CAST: variants seen among roughly 807,000 people sequenced by gnomAD.
CAST encodes calpastatin.
A neutral mutation model predicts 119.6 loss-of-function variants in CAST; 76 were observed. The ratio of observed to expected loss-of-function variants is 0.64; its 90% confidence interval spans 0.53 to 0.77. The LOEUF (loss-of-function observed/expected upper bound fraction) is 0.77, where lower values mean the gene tolerates loss of function less well. Ranked by LOEUF, CAST falls within the 30% of genes least tolerant of loss-of-function variation. The probability of loss-of-function intolerance (pLI) is 0.00; values close to 1 mark genes in which losing one functional copy is unlikely to be tolerated. For synonymous variants in CAST, 319 were observed against 331.6 expected (o/e 0.96, Z 0.41); for missense variants, 953 against 946.5 (o/e 1.01, Z -0.09).
chr5:96,280,500 G>C, the CAST span, among the ~76,000 whole-genome samples: 12 of 152,214 alleles, frequency 7.9e-5, no homozygotes, highest in Non-Finnish European at 1.3e-4. Context: ...TGTACGGAGA[G>C]AGCCAATGCA....
chr5:96,037,498 A>T, the CAST span, among the ~76,000 whole-genome samples: 3 of 152,292 alleles, frequency 2.0e-5, no homozygotes, highest in African/African-American at 7.2e-5. Flanking sequence ...AAATAACTTT[A>T]TTATGTGAGA....
chr5:96,696,655 C>A (rs1753322310), intron 3 of CAST, among the ~76,000 whole-genome samples: 2 of 129,344 alleles, frequency 1.5e-5, no homozygotes, highest in Non-Finnish European at 3.2e-5. Context: ...TCATGACCAG[C>A]TTGAGCAACA....
chr5:95,989,215 C>G, the CAST span, among the ~76,000 whole-genome samples: 1 of 152,162 alleles, frequency 6.6e-6, no homozygotes, highest in Non-Finnish European at 1.5e-5. Flanking sequence ...GAGACAACCT[C>G]TTAAATTCAC....
chr5:96,317,626 T>G, the CAST span, among the ~76,000 whole-genome samples: 1 of 152,184 alleles, frequency 6.6e-6, no homozygotes, highest in Non-Finnish European at 1.5e-5. Context: ...TTAGTCATAT[T>G]ACATGAACCC....
intron 1 of CAST, among the ~76,000 whole-genome samples, chr5:96,647,145 T>C (rs1033049745): frequency 1.3e-5 from 2 of 152,186 alleles, no homozygotes; most frequent in Non-Finnish European, 2.9e-5. Flanking sequence ...CTTAGTGACA[T>C]ACACGGATCG....
the CAST span, among the ~76,000 whole-genome samples, chr5:96,414,700 C>T: frequency 6.6e-6 from 1 of 152,180 alleles, no homozygotes; most frequent in Non-Finnish European, 1.5e-5. Context: ...TCTTTCTCTA[C>T]AAAATGAAGG....
the CAST span, among the ~76,000 whole-genome samples, chr5:96,502,203 T>C: frequency 6.6e-6 from 1 of 152,194 alleles, no homozygotes; most frequent in South Asian, 2.1e-4. Context: ...TTCTCTTCCA[T>C]CAAATAAAAA....
chr5:96,531,895 A>G (rs1487485445), intron 1 of CAST, among the ~76,000 whole-genome samples: 3 of 152,224 alleles, frequency 2.0e-5, no homozygotes, highest in Non-Finnish European at 2.9e-5. Flanking sequence ...CAACAAAAGG[A>G]AAATTCAATG....
the CAST span, among the ~76,000 whole-genome samples, chr5:96,223,939 T>C: frequency 2.1e-4 from 32 of 152,286 alleles, no homozygotes; most frequent in South Asian, 6.0e-3. Context: ...TGCACTGATA[T>C]TAGGTACAGA....
At chr5:96,662,130 G>C (rs943846122), upstream of CAST, 1 of 347,232 alleles carries the variant, frequency 2.9e-6, no homozygotes, top group Non-Finnish European at 5.2e-6. Context: ...GACCAACCGG[G>C]ACCAGAGCAG....
chr5:96,617,096 T>C (rs765101554), intron 1 of CAST, among the ~76,000 whole-genome samples: 2 of 152,210 alleles, frequency 1.3e-5, no homozygotes, highest in Non-Finnish European at 2.9e-5. Context: ...AATCACTTTA[T>C]AAAATAAAGA....
the CAST span, among the ~76,000 whole-genome samples, chr5:96,292,498 A>C: frequency 6.6e-6 from 1 of 152,152 alleles, no homozygotes; most frequent in Non-Finnish European, 1.5e-5. Flanking sequence ...TCTACCCCCA[A>C]CAAGCCCAAT....
chr5:96,468,064 C>G, the CAST span, among the ~76,000 whole-genome samples: 1 of 152,034 alleles, frequency 6.6e-6, no homozygotes, highest in East Asian at 1.9e-4. Context: ...CCAAAAAAAG[C>G]CTCCAGCACT....
At chr5:96,361,174 C>G in the CAST span, among the ~76,000 whole-genome samples, 1 of 152,112 alleles carries the variant, frequency 6.6e-6, no homozygotes, top group African/African-American at 2.4e-5. Flanking sequence ...GGTGGATGCC[C>G]CTCTTCCCAC....
At position 96,542,474 on chromosome 5, in the gene CAST, T is replaced by G. The variant is rs536655822; in HGVS notation, c.60+12594T>G. On this transcript the variant is annotated intron_variant, in intron 1 of 11. Coordinates refer to the CAST transcript ENST00000505143. ...TTGTCAGTTTTTTTATTTTAGCTAT[T>G]CTAATGGGTGTGTAGTGGTATCTAA... Among the ~76,000 whole-genome samples the G allele has an allele frequency of 3.3e-5, 5 of 152,254 alleles. No homozygotes were observed. In the East Asian group the frequency reaches 7.7e-4, roughly 23 times the overall value.
the CAST span, among the ~76,000 whole-genome samples, chr5:96,280,477 A>C: frequency 6.6e-6 from 1 of 152,232 alleles, no homozygotes; most frequent in African/African-American, 2.4e-5. Context: ...AATTTTGCTT[A>C]TAGGTAAGTC....
At chr5:95,997,635 G>A in the CAST span, among the ~76,000 whole-genome samples, 1 of 152,156 alleles carries the variant, frequency 6.6e-6, no homozygotes, top group Non-Finnish European at 1.5e-5. Context: ...ACTGATCTCA[G>A]TCAAGGAGGC....
chr5:96,649,173 A>C (rs920595838), intron 1 of CAST, among the ~76,000 whole-genome samples: 1 of 152,196 alleles, frequency 6.6e-6, no homozygotes, highest in Non-Finnish European at 1.5e-5. Flanking sequence ...AAAATTAATA[A>C]AAGATTCAGT....
chr5:96,680,332 G>GCAACAGAA (rs1285676351), intron 2 of CAST, among the ~76,000 whole-genome samples: 3 of 121,022 alleles, frequency 2.5e-5, no homozygotes. Flanking sequence ...TCCAGCCTGG[G>GCAACAGAA]CAACAGAACG....
Sources: gnomAD v4.1 joint callset for allele counts (sites outside exome capture counted in the v4.1 genomes callset) on GRCh38, gnomAD v4.1.1 for gene constraint, MANE v1.5 for transcripts, NCBI Gene and HGNC (gene_info 2026-07-23, HGNC 2026-07-21) for gene names.